Variants in SLC12A7 observed in about 807,000 individuals in gnomAD.
SLC12A7 encodes solute carrier family 12 member 7.
Under a neutral mutation model 120.6 loss-of-function variants are expected in SLC12A7, and 100 were observed. That is an observed-to-expected ratio of 0.83 (90% CI 0.71 to 0.98). The LOEUF is 0.98. Among genes scored for constraint, SLC12A7 ranks in the 50% least tolerant of loss-of-function variants. The pLI, the probability that SLC12A7 is intolerant of heterozygous loss-of-function variation, is 0.00. For missense variants in SLC12A7, 1,373 were observed against 1,548.1 expected (o/e 0.89, Z 1.90); for synonymous variants, 760 against 678.0 (o/e 1.12, Z -1.88).
At chr5:1,077,665 A>G (rs1219549063) in intron 12 of SLC12A7, among the ~76,000 whole-genome samples, 168 bp downstream of exon 12, 2 of 150,964 alleles carry the variant, frequency 1.3e-5, no homozygotes, top group Non-Finnish European at 3.0e-5. Context: ...CCCACCACCC[A>G]CCTCCCACCA....
intron 1 of SLC12A7, among the ~76,000 whole-genome samples, chr5:1,105,606 C>T (rs781362694): frequency 1.2e-4 from 18 of 152,244 alleles, no homozygotes; most frequent in African/African-American, 3.9e-4. Flanking sequence ...CAGGCTGCTG[C>T]GCTGAAGCCA....
At chr5:1,148,638 G>A in the SLC12A7 span, among the ~76,000 whole-genome samples, 2 of 152,224 alleles carry the variant, frequency 1.3e-5, no homozygotes, top group African/African-American at 2.4e-5. Context: ...AGCCTCAGTC[G>A]AGGAATGAGA....
chr5:1,096,203 G>A (rs1434850325), intron 1 of SLC12A7, among the ~76,000 whole-genome samples: 11 of 152,184 alleles, frequency 7.2e-5, no homozygotes, highest in South Asian at 4.1e-4. Context: ...GAGGCACCAC[G>A]TCAGCTGCTT....
In SLC12A7 at chr5:1,111,873, C is replaced by G. The variant is rs1246759143; in HGVS notation, c.119G>C (p.Ser40Thr). Residue 40 changes from serine (S) to threonine (T), a missense_variant, in exon 1 of 24, where the codon AGC becomes ACC. By Grantham distance (58) the Ser-to-Thr change is moderately conservative. Transcript: ENST00000264930. ...TPEGPEPERP[S>T]PGDGNPRENS... ...CCAGGTGCGGCCGCGCTCACCCGGGCTGGGGCGCTCGGGCTCGGGGCCCTC... is the reference window on the plus strand; with the variant it reads ...CCAGGTGCGGCCGCGCTCACCCGGGGTGGGGCGCTCGGGCTCGGGGCCCTC... 3 of 1,218,250 alleles carry G rather than the reference C, an allele frequency of 2.5e-6. No homozygotes were observed. In the African/African-American group the frequency reaches 4.7e-5, roughly 19 times the overall value. 75.5% of individuals were successfully genotyped at this position (1,218,250 alleles called of 1,614,324 possible).
chr5:1,118,048 C>G, the SLC12A7 span, among the ~76,000 whole-genome samples: 5,806 of 152,198 alleles, frequency 0.038, 141 homozygotes, highest in Non-Finnish European at 0.055. Flanking sequence ...TGCACTCCAG[C>G]CTGGGGGATA....
rs111385783 is a variant in SLC12A7 at position 1,052,450 on chromosome 5, G to A, written c.3162C>T (p.Tyr1054=). The change falls in exon 24 of 24, where the codon TAC becomes TAT. Residue 1054 remains tyrosine (Y), a splice_region_variant and synonymous_variant. Coordinates refer to ENST00000264930, the MANE Select transcript of SLC12A7 (RefSeq NM_006598.3). ...CGGTCAGGACTTCAAGAAACTCCAT[G>A]TCTGTGGTCAACAGAGTTAAGGCCA... is the stretch of plus-strand genomic sequence containing the variant. ...PPKNRQGDEN[Y]MEFLEVLTEG... 4 of 1,612,184 alleles carry A rather than the reference G, an allele frequency of 2.5e-6. No individual in the cohort carries two copies. Among genetic ancestry groups the A allele is most frequent in the African/African-American group, 1.3e-5 (1 of 74,928 alleles).
chr5:1,146,093 AACTGTT>A, the SLC12A7 span, among the ~76,000 whole-genome samples: 3 of 152,026 alleles, frequency 2.0e-5, no homozygotes, highest in Admixed American at 1.3e-4. This position sits in a 1 kb window ranked among gnomAD's most constrained non-coding sequence, Gnocchi z 6.5. Flanking sequence ...CTCTGCCTGC[AACTGTT>A]ATTCTGCAGG....
intron 1 of SLC12A7, 118 bp downstream of exon 1, chr5:1,111,750 C>T (rs1225827169): frequency 2.0e-6 from 2 of 1,022,746 alleles, no homozygotes; most frequent in East Asian, 4.0e-5. Flanking sequence ...GGTGGGGGCG[C>T]GGGAAGGGGC....
At chr5:1,132,177 T>C in the SLC12A7 span, among the ~76,000 whole-genome samples, 1 of 152,268 alleles carries the variant, frequency 6.6e-6, no homozygotes, top group South Asian at 2.1e-4. Context: ...CATTACACGC[T>C]AATTCGAATG....
At chr5:1,073,582 G>A in intron 17 of SLC12A7, 51 bp downstream of exon 17, 1 of 1,549,892 alleles carries the variant, frequency 6.5e-7, no homozygotes, top group Non-Finnish European at 8.7e-7. Context: ...CACGTTTCCT[G>A]TGCAGCTGGG....
chr5:1,069,410 G>A (rs1472169012), intron 17 of SLC12A7, among the ~76,000 whole-genome samples: 1 of 152,230 alleles, frequency 6.6e-6, no homozygotes, highest in Non-Finnish European at 1.5e-5. Flanking sequence ...GGGAGGCGGT[G>A]GGGGGCGGCT....
At chr5:1,139,076 G>C in the SLC12A7 span, among the ~76,000 whole-genome samples, 14 of 147,362 alleles carry the variant, frequency 9.5e-5, no homozygotes, top group Admixed American at 3.4e-4. Flanking sequence ...GTGGGGGGGG[G>C]GCTCTGGGCG....
At chr5:1,055,399 G>C (rs970181477) in intron 22 of SLC12A7, among the ~76,000 whole-genome samples, 1 of 152,178 alleles carries the variant, frequency 6.6e-6, no homozygotes, top group Non-Finnish European at 1.5e-5. Flanking sequence ...ACAGACATCC[G>C]TTAAGTGTGC....
At chr5:1,065,155 G>A (rs1428510800) in intron 18 of SLC12A7, 128 bp downstream of exon 18, 2 of 828,402 alleles carry the variant, frequency 2.4e-6, no homozygotes, top group Admixed American at 5.0e-5. Context: ...GGACAGTGGG[G>A]ACGAAAAGGG....
At chr5:1,090,647 A>C (rs1288837980) in intron 3 of SLC12A7, among the ~76,000 whole-genome samples, 1 of 152,164 alleles carries the variant, frequency 6.6e-6, no homozygotes, top group Non-Finnish European at 1.5e-5. Flanking sequence ...CTAACGCAGG[A>C]GCCGACAGGC....
At chr5:1,083,152 T>TC (rs202000436) in intron 8 of SLC12A7, among the ~76,000 whole-genome samples, 1 of 56,116 alleles carries the variant, frequency 1.8e-5, no homozygotes, top group Non-Finnish European at 4.8e-5. Context: ...AGTCCAGGCT[T>TC]CCCGTCTCGG....
At chr5:1,136,603 G>A in the SLC12A7 span, among the ~76,000 whole-genome samples, 2 of 106,710 alleles carry the variant, frequency 1.9e-5, no homozygotes, top group East Asian at 3.5e-4. Flanking sequence ...ACCAGGACAC[G>A]CAGACACACG....
At chr5:1,061,799 G>GAA (rs36074518) in intron 20 of SLC12A7, among the ~76,000 whole-genome samples, 7 of 70,858 alleles carry the variant, frequency 9.9e-5, no homozygotes, top group Non-Finnish European at 1.4e-4. Flanking sequence ...AAAATACAAA[G>GAA]AAAAAAAAAA....
rs139971506 is a variant in SLC12A7 at position 1,090,081 on chromosome 5, G to A, written c.343-953C>T. Among the ~76,000 whole-genome samples the A allele has an allele frequency of 2.8e-3, 421 of 152,374 alleles. 5 individuals are homozygous for A. The highest frequency in any genetic ancestry group is 9.7e-3 in the African/African-American group (405 of 41,594). ...CACAATGTGGATCAGAACAGGCCCCGTGCGGGGCTTCGATCCTGGGGTTCA... is the reference window on the plus strand; with the variant it reads ...CACAATGTGGATCAGAACAGGCCCCATGCGGGGCTTCGATCCTGGGGTTCA... On this transcript the variant is annotated intron_variant, in intron 3 of 23. Transcript: ENST00000264930.
Sources: gnomAD v4.1 joint callset for allele counts (sites outside exome capture counted in the v4.1 genomes callset) on GRCh38, gnomAD v4.1.1 for gene constraint, Gnocchi (gnomAD v3.1) non-coding constraint, MANE v1.5 for transcripts, NCBI Gene and HGNC (gene_info 2026-07-23, HGNC 2026-07-21) for gene names.